Variants in RALGAPA2 observed in about 807,000 individuals in gnomAD.
RALGAPA2 encodes Ral GTPase activating protein catalytic subunit alpha 2, also known as ral GTPase-activating protein subunit alpha-2.
RALGAPA2 carries 139 observed loss-of-function variants against 230.4 expected under a neutral mutation model. The observed-to-expected ratio is 0.60, with a 90% CI of 0.53 to 0.69. RALGAPA2 has a LOEUF of 0.69. RALGAPA2 is among the 30% of genes least tolerant of loss of function. RALGAPA2 has a pLI of 0.00. For synonymous variants in RALGAPA2, 847 were observed against 837.8 expected (o/e 1.01, Z -0.19); for missense variants, 2,163 against 2,276.0 (o/e 0.95, Z 1.01).
intron 1 of RALGAPA2, among the ~76,000 whole-genome samples, chr20:20,699,981 A>G (rs1226162803): frequency 1.3e-5 from 2 of 152,142 alleles, no homozygotes; most frequent in African/African-American, 4.8e-5. Context: ...AAAATAAATC[A>G]TTCTACCAAA....
chr20:20,418,072 A>G (rs1273959399), intron 37 of RALGAPA2, among the ~76,000 whole-genome samples: 1 of 152,184 alleles, frequency 6.6e-6, no homozygotes, highest in African/African-American at 2.4e-5. Context: ...TTACCACAAT[A>G]CTGTAAAGAA....
intron 1 of RALGAPA2, among the ~76,000 whole-genome samples, chr20:20,687,764 C>G (rs1388458021): frequency 6.6e-6 from 1 of 152,146 alleles, no homozygotes; most frequent in African/African-American, 2.4e-5. Context: ...CAGTACAGAA[C>G]AGCCTCACTG....
Position 20,524,635 on chromosome 20 carries a change from C to G in RALGAPA2, c.3763-92G>C. 2.6e-6 allele frequency: 4 copies of G among 1,514,546 alleles called. No homozygotes were observed. The South Asian group carries it at 4.7e-5, about 18-fold the overall frequency. The allele number at this position is 1,514,546 out of a possible 1,614,324, so 93.8% of individuals were successfully genotyped here. The stretch of plus-strand genomic sequence containing the variant: ...GAGAATTATCCCTACACCCAGTATT[C>G]AGTGGACATGCAGGTGCTAGATAAG... On this transcript the variant is annotated intron_variant, in intron 29 of 39. Transcript: ENST00000202677.
chr20:20,516,022 G>A lies in RALGAPA2; in HGVS notation c.4085-2738C>T, dbSNP rs137969725. 9.8e-3 allele frequency among the ~76,000 whole-genome samples: 1,490 copies of A among 152,252 alleles called. 13 individuals carry two copies. Among genetic ancestry groups the A allele is most frequent in the Non-Finnish European group, 0.014 (932 of 68,010 alleles). ...AGTAGAACACTGAGGGAGTGAGACC[G>A]GCCTTGCCAACTGCATGGGAGCTGG... On this transcript the variant is annotated intron_variant, in intron 31 of 39. Coordinates refer to ENST00000202677, the MANE Select transcript of RALGAPA2 (RefSeq NM_020343.4).
chr20:20,499,744 G>C (rs6082024), intron 35 of RALGAPA2, among the ~76,000 whole-genome samples: 1 of 152,166 alleles, frequency 6.6e-6, no homozygotes, highest in Non-Finnish European at 1.5e-5. Flanking sequence ...GTTTTTGAAC[G>C]CAAATTGTAC....
intron 31 of RALGAPA2, among the ~76,000 whole-genome samples, chr20:20,515,614 G>T (rs2062845844): frequency 6.6e-6 from 1 of 152,210 alleles, no homozygotes; most frequent in Non-Finnish European, 1.5e-5. Context: ...ACTGCTTAAG[G>T]GAGTGATGAG....
At chr20:20,529,873 T>C (rs2063323884) in intron 27 of RALGAPA2, among the ~76,000 whole-genome samples, 1 of 152,116 alleles carries the variant, frequency 6.6e-6, no homozygotes, top group Admixed American at 6.5e-5. Flanking sequence ...ACACACCGAG[T>C]TATTCATAGT....
At chr20:20,610,708 C>T (rs1024116086) in intron 14 of RALGAPA2, among the ~76,000 whole-genome samples, 2 of 152,166 alleles carry the variant, frequency 1.3e-5, no homozygotes, top group Non-Finnish European at 2.9e-5. Context: ...TTGCAACTTC[C>T]ACTGCCCAGC....
rs139646789 is a variant in RALGAPA2, at chr20:20,485,341, C to T, written c.5367+9776G>A. ...AGTGTGAGCATGGTATATCTTTCTC[C>T]ACCCCTTTACTTTTAATCTGTGTCT... On this transcript the variant is annotated intron_variant, in intron 36 of 39. Coordinates refer to ENST00000202677, the MANE Select transcript of RALGAPA2 (RefSeq NM_020343.4). Among the ~76,000 whole-genome samples the T allele has an allele frequency of 3.7e-3, 556 of 152,262 alleles. 4 individuals are homozygous for T. Among genetic ancestry groups the T allele is most frequent in the African/African-American group, 0.013 (538 of 41,522 alleles).
Position 20,648,368 on chromosome 20 carries a change from C to T in RALGAPA2, c.329-4819G>A, listed in dbSNP as rs562238265. Among the ~76,000 whole-genome samples, 12 of 151,734 alleles carry T rather than the reference C, an allele frequency of 7.9e-5. No individual in the cohort carries two copies. In the South Asian group the frequency reaches 2.3e-3, roughly 29 times the overall value. On this transcript the variant is annotated intron_variant, in intron 4 of 39. Coordinates refer to ENST00000202677, the MANE Select transcript of RALGAPA2 (RefSeq NM_020343.4). ...GATGAGATGAGAAAAGATGGGAGAGCGGGATTACCAAGGGGGACGAGGAAA... is the reference window on the plus strand; with the variant it reads ...GATGAGATGAGAAAAGATGGGAGAGTGGGATTACCAAGGGGGACGAGGAAA...
At chr20:20,407,498 C>G (rs763574600) in intron 38 of RALGAPA2, among the ~76,000 whole-genome samples, 1 of 152,208 alleles carries the variant, frequency 6.6e-6, no homozygotes, top group African/African-American at 2.4e-5. Flanking sequence ...GGCGCGGAGG[C>G]CTTAGCAAGC....
chr20:20,430,827 T>A (rs1159394079), intron 37 of RALGAPA2, among the ~76,000 whole-genome samples: 2 of 152,166 alleles, frequency 1.3e-5, no homozygotes, highest in African/African-American at 4.8e-5. Context: ...CCCCAAAGGT[T>A]AAGGACAGTA....
At chr20:20,484,657 G>C (rs915625177) in intron 36 of RALGAPA2, among the ~76,000 whole-genome samples, 1 of 152,140 alleles carries the variant, frequency 6.6e-6, no homozygotes, top group Admixed American at 6.5e-5. Flanking sequence ...TGGAGTCAAT[G>C]ATTCTTAGTG....
intron 37 of RALGAPA2, among the ~76,000 whole-genome samples, chr20:20,438,217 C>T (rs370490012): frequency 1.6e-4 from 24 of 152,176 alleles, no homozygotes; most frequent in African/African-American, 5.1e-4. Flanking sequence ...ATTTTCATGA[C>T]GCATTATATT....
At chr20:20,461,499 A>C (rs1385614326) in intron 37 of RALGAPA2, among the ~76,000 whole-genome samples, 2 of 152,308 alleles carry the variant, frequency 1.3e-5, no homozygotes, top group Middle Eastern at 3.4e-3. Context: ...GGAGAAAGCT[A>C]TGGCTCTTGG....
At chr20:20,667,093 G>C (rs549412283) in intron 3 of RALGAPA2, among the ~76,000 whole-genome samples, 1 of 152,250 alleles carries the variant, frequency 6.6e-6, no homozygotes, top group South Asian at 2.1e-4. Flanking sequence ...ATTTGGATGG[G>C]AAATAAAATC....
chr20:20,571,474 A>G lies in RALGAPA2; in HGVS notation c.3140T>C (p.Leu1047Ser). ...GCAGAATACCTGATCCTCGCTGGTT[A>G]ATCCCAGGTGCATCACAAGGTAAAA... ...VHFYLVMHLG[L>S]TSEDQDILNT... Residue 1047 changes from leucine (L) to serine (S), a missense_variant, in exon 23 of 40, where the codon TTA becomes TCA. Leu to Ser is a moderately radical substitution (Grantham distance 145). Coordinates refer to ENST00000202677, the MANE Select transcript of RALGAPA2 (RefSeq NM_020343.4). The G allele has an allele frequency of 6.2e-7, 1 of 1,612,318 alleles. No homozygotes were observed. The highest frequency in any genetic ancestry group is 8.5e-7 in the Non-Finnish European group (1 of 1,179,510).
intron 1 of RALGAPA2, among the ~76,000 whole-genome samples, chr20:20,709,040 C>A (rs1376877032): frequency 1.3e-5 from 2 of 152,114 alleles, no homozygotes; most frequent in East Asian, 1.9e-4. Flanking sequence ...AAAATCTGGC[C>A]GGACATGGTG....
intron 37 of RALGAPA2, among the ~76,000 whole-genome samples, chr20:20,469,295 A>G (rs1192116013): frequency 6.6e-6 from 1 of 152,248 alleles, no homozygotes; most frequent in African/African-American, 2.4e-5. Flanking sequence ...ATCCCACTGA[A>G]CAAGAAAGAA....
Sources: allele counts gnomAD v4.1 joint callset (sites outside exome capture counted in the v4.1 genomes callset), GRCh38; gene constraint gnomAD v4.1.1; transcripts MANE v1.5; gene names NCBI Gene and HGNC (gene_info 2026-07-23, HGNC 2026-07-21).